Variants in KLHL5 observed in about 807,000 individuals in gnomAD.
The protein encoded by KLHL5 is kelch like family member 5.
A neutral mutation model predicts 77.7 loss-of-function variants in KLHL5; 48 were observed. The observed-to-expected ratio is 0.62, with a 90% CI of 0.49 to 0.79. The LOEUF is 0.79. Among genes scored for constraint, KLHL5 ranks in the 30% least tolerant of loss-of-function variants. The pLI is 0.00. For synonymous variants in KLHL5, 260 were observed against 297.0 expected, an observed-to-expected ratio of 0.88 and a Z score of 1.28; for missense variants, 723 against 859.7, an observed-to-expected ratio of 0.84 and a Z score of 1.99.
chr4:39,047,333 G>A (rs1385251780), intron 1 of KLHL5, among the ~76,000 whole-genome samples: 2 of 152,142 alleles, frequency 1.3e-5, no homozygotes, highest in Non-Finnish European at 2.9e-5. Context: ...GAGGAGAATC[G>A]CTTGAACCTG....
At chr4:39,133,680 A>G in the KLHL5 span, among the ~76,000 whole-genome samples, 20 of 152,298 alleles carry the variant, frequency 1.3e-4, no homozygotes, top group African/African-American at 4.6e-4. Flanking sequence ...ACAAAGATAG[A>G]GAAAAATGCC....
the KLHL5 span, among the ~76,000 whole-genome samples, chr4:39,135,761 G>A: frequency 2.0e-5 from 3 of 152,066 alleles, no homozygotes; most frequent in South Asian, 2.1e-4. Context: ...AAAATTAGCC[G>A]GACGTGTTGG....
intron 5 of KLHL5, among the ~76,000 whole-genome samples, chr4:39,093,840 A>C (rs1291061499): frequency 6.6e-6 from 1 of 152,026 alleles, no homozygotes; most frequent in Non-Finnish European, 1.5e-5. Context: ...TGGGAGGCAG[A>C]GGTTGCAGTG....
chr4:39,100,497 T>C (rs1241379042), intron 6 of KLHL5, among the ~76,000 whole-genome samples: 1 of 152,230 alleles, frequency 6.6e-6, no homozygotes, highest in Non-Finnish European at 1.5e-5. Flanking sequence ...GCTAAGCACT[T>C]AGCCTATATT....
At chr4:39,127,151 C>T (rs1255999112), downstream of KLHL5, among the ~76,000 whole-genome samples, 1 of 151,922 alleles carries the variant, frequency 6.6e-6, no homozygotes, top group African/African-American at 2.4e-5. Flanking sequence ...GCCTGGGCAA[C>T]ATCTTGAGAC....
At chr4:39,118,291 A>G (rs1475848717) in intron 10 of KLHL5, among the ~76,000 whole-genome samples, 3 of 152,100 alleles carry the variant, frequency 2.0e-5, no homozygotes, top group African/African-American at 7.2e-5. Context: ...CAGCTAACCC[A>G]AGGCCACATA....
At chr4:39,141,618 T>A in the KLHL5 span, among the ~76,000 whole-genome samples, 1 of 152,030 alleles carries the variant, frequency 6.6e-6, no homozygotes, top group Non-Finnish European at 1.5e-5. Flanking sequence ...GCCTATTTTT[T>A]AGTCTTGAGA....
the KLHL5 span, among the ~76,000 whole-genome samples, chr4:39,140,697 C>A: frequency 6.6e-6 from 1 of 152,172 alleles, no homozygotes; most frequent in African/African-American, 2.4e-5. Flanking sequence ...TGAAAATAAT[C>A]TACAAATAAT....
chr4:39,110,873 CT>C (rs1172534005), intron 8 of KLHL5, among the ~76,000 whole-genome samples: 8 of 152,100 alleles, frequency 5.3e-5, no homozygotes, highest in African/African-American at 2.4e-5. Context: ...TAATATTTCT[CT>C]TTTTATTGTA....
chr4:39,086,501 T>C lies in KLHL5; in HGVS notation c.901-14T>C. On this transcript the variant is annotated splice_polypyrimidine_tract_variant and intron_variant, in intron 4 of 10. Transcript: ENST00000504108. ...AAGGAACAATATTGTTTATCTGCTA[T>C]TTCTTCCCTCTAGGAGCATTTCATG... 1 of 1,601,476 alleles carries C rather than the reference T, an allele frequency of 6.2e-7. No individual in the cohort carries two copies. The highest frequency in any genetic ancestry group is 1.1e-5 in the South Asian group (1 of 90,782).
At chr4:39,089,434 C>T (rs1303250768) in intron 5 of KLHL5, among the ~76,000 whole-genome samples, 2 of 152,044 alleles carry the variant, frequency 1.3e-5, no homozygotes, top group South Asian at 2.1e-4. Flanking sequence ...ACTCTGAAGT[C>T]CTTAGACTTT....
intron 2 of KLHL5, among the ~76,000 whole-genome samples, chr4:39,077,694 T>TAAAAAAAAAAAAAAAA (rs60744492): frequency 7.8e-6 from 1 of 128,626 alleles, no homozygotes. Context: ...GAACTAAAGG[T>TAAAAAAAAAAAAAAAA]AAAAAAAAAA....
rs925352907 is a variant in KLHL5, at chr4:39,093,378, C to A, written c.1114-3314C>A. 29 of 455,384 alleles carry A rather than the reference C, an allele frequency of 6.4e-5. 1 individual carries two copies. Among genetic ancestry groups the A allele is most frequent in the Middle Eastern group, 6.5e-4 (2 of 3,086 alleles). The allele number at this position is 455,384 out of a possible 1,614,324, so 28.2% of individuals were successfully genotyped here. ...TCAACAGTAAATGGGCATGTGGGATCTAATTGAGGTGATGAAAATGTTTCA... is the reference window on the plus strand; with the variant it reads ...TCAACAGTAAATGGGCATGTGGGATATAATTGAGGTGATGAAAATGTTTCA... On this transcript the variant is annotated intron_variant, in intron 5 of 10. Coordinates refer to ENST00000504108, the MANE Select transcript of KLHL5 (RefSeq NM_015990.5).
rs2109291840 is a variant in KLHL5, at chr4:39,062,461, C to A, written c.-192C>A. 1 of 1,560,748 alleles carries A rather than the reference C, an allele frequency of 6.4e-7. No homozygotes were observed. The highest frequency in any genetic ancestry group is 8.6e-7 in the Non-Finnish European group (1 of 1,156,654). On this transcript the variant is annotated 5_prime_UTR_variant, in exon 1 of 11. Transcript: ENST00000504108. The stretch of plus-strand genomic sequence containing the variant: ...ACCGTGTTTCATCTTTATTCATTAT[C>A]CTTTGTTCTTTAAAATCTGATATAT...
chr4:39,064,859 G>A (rs1354885433), intron 1 of KLHL5, among the ~76,000 whole-genome samples: 2 of 151,672 alleles, frequency 1.3e-5, no homozygotes, highest in African/African-American at 4.8e-5. Context: ...AAATAAAATG[G>A]CATTTTTAAA....
At chr4:39,074,864 AG>A (rs1348785759) in intron 1 of KLHL5, among the ~76,000 whole-genome samples, 1 of 152,214 alleles carries the variant, frequency 6.6e-6, no homozygotes, top group Non-Finnish European at 1.5e-5. Context: ...GTTATGGCAC[AG>A]TCACTGGTTT....
chr4:39,094,155 T>TA (rs1720845118), intron 5 of KLHL5, among the ~76,000 whole-genome samples: 1 of 152,116 alleles, frequency 6.6e-6, no homozygotes. Flanking sequence ...TGGTGACAGT[T>TA]ATGATTATTT....
chr4:39,079,341 A>G (rs1168890946), intron 2 of KLHL5, among the ~76,000 whole-genome samples: 1 of 152,178 alleles, frequency 6.6e-6, no homozygotes, highest in African/African-American at 2.4e-5. Context: ...GTGAAAGGGA[A>G]AGTACATGCA....
intron 1 of KLHL5, among the ~76,000 whole-genome samples, chr4:39,045,509 A>G (rs1716114245): frequency 1.3e-5 from 2 of 151,402 alleles, no homozygotes; most frequent in Non-Finnish European, 2.9e-5. Context: ...TCCTCTCCTT[A>G]TTACTTGCAG....
Sources: gnomAD v4.1 joint callset for allele counts (sites outside exome capture counted in the v4.1 genomes callset) on GRCh38, gnomAD v4.1.1 for gene constraint, MANE v1.5 for transcripts, NCBI Gene and HGNC (gene_info 2026-07-23, HGNC 2026-07-21) for gene names.